The following ROBO2 variants were observed in gnomAD, a reference collection of about 807,000 sequenced individuals.
ROBO2 encodes roundabout guidance receptor 2.
In ROBO2, 53 loss-of-function variants were observed where a neutral mutation model predicts 160.8. The ratio of observed to expected loss-of-function variants is 0.33; its 90% CI spans 0.26 to 0.41. The LOEUF (loss-of-function observed/expected upper bound fraction) is 0.41. ROBO2 is among the 10% of genes least tolerant of loss of function. ROBO2 has a pLI of 1.00. For missense variants in ROBO2, 1,577 were observed against 1,722.4 expected, an observed-to-expected ratio of 0.92 and a Z score of 1.49; for synonymous variants, 664 against 611.7, an observed-to-expected ratio of 1.09 and a Z score of -1.26.
chr3:76,816,333 C>G (rs895874591), intron 2 of ROBO2, among the ~76,000 whole-genome samples: 7 of 152,000 alleles, frequency 4.6e-5, no homozygotes, highest in African/African-American at 1.7e-4. Flanking sequence ...AGTTCATGTT[C>G]AAAGCGAATG....
intron 2 of ROBO2, among the ~76,000 whole-genome samples, chr3:76,147,226 T>C (rs956204305): frequency 1.3e-4 from 19 of 151,958 alleles, no homozygotes; most frequent in African/African-American, 4.6e-4. Flanking sequence ...GAGTTTGTAA[T>C]AAACCATGTA....
chr3:76,530,031 ACT>A (rs1484608399), intron 2 of ROBO2, among the ~76,000 whole-genome samples: 2 of 151,782 alleles, frequency 1.3e-5, no homozygotes, highest in Admixed American at 1.3e-4. Flanking sequence ...TTGGGCAGAC[ACT>A]CTCTCATCTA....
intron 2 of ROBO2, among the ~76,000 whole-genome samples, chr3:76,512,527 G>A (rs2081152437): frequency 6.6e-6 from 1 of 151,874 alleles, no homozygotes; most frequent in South Asian, 2.1e-4. Context: ...ACTTAGCTGT[G>A]AATAAGTATA....
In ROBO2 at chr3:77,550,840, C is replaced by T. The variant is rs750620281; in HGVS notation, c.1082C>T (p.Pro361Leu). 1.7e-5 allele frequency: 28 copies of T among 1,612,808 alleles called. No individual in the cohort carries two copies. The South Asian group carries it at 2.5e-4, about 15-fold the overall frequency. ...CAGAACCTACTTTTCCCAAACCAAC[C>T]CCAGCAGCCCAACAGTAGATGCTCA... The change falls in exon 8 of 26, where the codon CCC becomes CTC. Residue 361 changes from proline (P) to leucine (L), a missense_variant. Around this residue, in one of 2 missense-constraint regions of ROBO2, gnomAD observed 940 missense variants for 1,135.5 expected, o/e 0.83. Transcript: ENST00000461745.
intron 2 of ROBO2, among the ~76,000 whole-genome samples, chr3:76,059,073 A>G (rs564186676): frequency 1.3e-5 from 2 of 150,984 alleles, no homozygotes; most frequent in African/African-American, 4.9e-5. Context: ...GGTTGGTTCC[A>G]AGTCTTTGCT....
At chr3:76,387,969 T>G (rs193102248) in intron 2 of ROBO2, among the ~76,000 whole-genome samples, 17 of 152,264 alleles carry the variant, frequency 1.1e-4, no homozygotes, top group African/African-American at 3.9e-4. Context: ...CCTTAGAAAA[T>G]TAAATCAAAA....
chr3:77,172,638 GT>G (rs1243714658), intron 2 of ROBO2, among the ~76,000 whole-genome samples: 1 of 152,136 alleles, frequency 6.6e-6, no homozygotes, highest in East Asian at 1.9e-4. Flanking sequence ...GACAAGTAGT[GT>G]GATTTTGGTA....
intron 2 of ROBO2, among the ~76,000 whole-genome samples, chr3:76,803,245 TA>T (rs1348573621): frequency 5.9e-5 from 9 of 152,282 alleles, no homozygotes; most frequent in African/African-American, 2.2e-4. Context: ...TCGTTAGGTT[TA>T]ATTTAATGAA....
chr3:76,667,463 T>A (rs899703961), intron 2 of ROBO2, among the ~76,000 whole-genome samples: 1 of 152,192 alleles, frequency 6.6e-6, no homozygotes, highest in Non-Finnish European at 1.5e-5. Context: ...TTCTCTTGCT[T>A]TCTCTTCCTT....
chr3:76,083,695 C>G (rs1363380547), intron 2 of ROBO2, among the ~76,000 whole-genome samples: 1 of 152,132 alleles, frequency 6.6e-6, no homozygotes, highest in African/African-American at 2.4e-5. Flanking sequence ...TCCCAAAATT[C>G]TACACCTCCT....
chr3:75,973,489 A>G (rs1429902401), intron 2 of ROBO2, among the ~76,000 whole-genome samples: 1 of 151,656 alleles, frequency 6.6e-6, no homozygotes, highest in Non-Finnish European at 1.5e-5. Context: ...GGCAAAAGGA[A>G]CTAAGTGATG....
intron 24 of ROBO2, among the ~76,000 whole-genome samples, chr3:77,635,910 T>C (rs1001270186): frequency 6.6e-6 from 1 of 152,204 alleles, no homozygotes; most frequent in African/African-American, 2.4e-5. Flanking sequence ...ATCTGGACTC[T>C]GCAAAGTCCA....
chr3:76,584,772 C>T (rs1450162978), intron 2 of ROBO2, among the ~76,000 whole-genome samples: 4 of 152,170 alleles, frequency 2.6e-5, no homozygotes, highest in Admixed American at 6.5e-5. Flanking sequence ...CCATCCACCA[C>T]CTGGCCTTGA....
chr3:77,328,282 A>G (rs1360847767), intron 2 of ROBO2, among the ~76,000 whole-genome samples: 1 of 152,108 alleles, frequency 6.6e-6, no homozygotes, highest in African/African-American at 2.4e-5. Flanking sequence ...GAGTTGAGGA[A>G]TTAACCAAAT....
At chr3:77,018,029 T>C (rs960249599) in intron 2 of ROBO2, among the ~76,000 whole-genome samples, 1 of 152,130 alleles carries the variant, frequency 6.6e-6, no homozygotes, top group African/African-American at 2.4e-5. Flanking sequence ...ATCGCCTGCA[T>C]ATAAAAAAGC....
chr3:76,870,717 A>T lies in ROBO2; in HGVS notation c.110-227297A>T, dbSNP rs767910841. On this transcript the variant is annotated intron_variant, in intron 2 of 26. Coordinates refer to the ROBO2 transcript ENST00000487694. ...TCCCCTACATCTATTCATATTCTCC[A>T]ATCACCCACCTTTCTGATTGGAGTT... Among the ~76,000 whole-genome samples the T allele has an allele frequency of 4.6e-5, 7 of 152,228 alleles. No homozygotes were observed. In the East Asian group the frequency reaches 9.6e-4, roughly 21 times the overall value.
chr3:77,507,414 A>G lies in ROBO2; in HGVS notation c.806+14032A>G, dbSNP rs139648384. On this transcript the variant is annotated intron_variant, in intron 5 of 25. Transcript: ENST00000461745. ...TCGCCAAATAGATGGCACATTCGGA[A>G]ATACATTTTACCAATTTTACCGTGA... Among the ~76,000 whole-genome samples, 37 of 152,230 alleles carry G rather than the reference A, an allele frequency of 2.4e-4. No individual in the cohort carries two copies. The East Asian group carries it at 7.0e-3, about 29-fold the overall frequency.
chr3:76,499,504 T>C (rs2080345024), intron 2 of ROBO2, among the ~76,000 whole-genome samples: 1 of 152,134 alleles, frequency 6.6e-6, no homozygotes, highest in African/African-American at 2.4e-5. Flanking sequence ...CAGGAGTACA[T>C]TTCTCAAGTC....
chr3:77,021,621 T>C (rs2062643674), intron 2 of ROBO2, among the ~76,000 whole-genome samples: 4 of 152,192 alleles, frequency 2.6e-5, no homozygotes, highest in African/African-American at 9.6e-5. Flanking sequence ...GTATCTTGTT[T>C]CAATGTCCCT....
Sources: allele counts gnomAD v4.1 joint callset (sites outside exome capture counted in the v4.1 genomes callset), GRCh38; gene constraint gnomAD v4.1.1; regional missense constraint gnomAD v4.1.1; transcripts MANE v1.5; gene names NCBI Gene and HGNC (gene_info 2026-07-23, HGNC 2026-07-21).